The following ROBO2 variants were observed in gnomAD, a reference collection of about 807,000 sequenced individuals.
ROBO2 encodes the protein roundabout homolog 2.
Under a neutral mutation model 160.8 loss-of-function variants are expected in ROBO2, and 53 were observed. The ratio of observed to expected loss-of-function variants is 0.33; its 90% CI spans 0.26 to 0.41. ROBO2 has a LOEUF of 0.41. Ranked by LOEUF, ROBO2 falls within the 10% of genes least tolerant of loss-of-function variation. The pLI is 1.00. For synonymous variants in ROBO2, 664 were observed against 611.7 expected (o/e 1.09, Z -1.26); for missense variants, 1,577 against 1,722.4 (o/e 0.92, Z 1.49).
At chr3:77,038,833 G>A (rs2063794759), upstream of ROBO2, among the ~76,000 whole-genome samples, 2 of 152,152 alleles carry the variant, frequency 1.3e-5, no homozygotes, top group African/African-American at 4.8e-5. Context: ...GTCGTCTTTG[G>A]GCTGAAATTC....
chr3:76,577,994 A>C (rs562069560), intron 2 of ROBO2, among the ~76,000 whole-genome samples: 2 of 152,000 alleles, frequency 1.3e-5, no homozygotes, highest in African/African-American at 4.8e-5. Flanking sequence ...TAACTTTCAA[A>C]TTTCCTTCTC....
chr3:76,908,117 G>A (rs973573194), intron 2 of ROBO2, among the ~76,000 whole-genome samples: 1 of 152,068 alleles, frequency 6.6e-6, no homozygotes, highest in African/African-American at 2.4e-5. Flanking sequence ...TAGGATTACA[G>A]GCGTGAGCCA....
exon 6 of ROBO2, chr3:77,522,807 T>A: frequency 6.2e-7 from 1 of 1,609,412 alleles, no homozygotes; most frequent in Non-Finnish European, 8.5e-7. Flanking sequence ...ACACTAAGAA[T>A]TAAAAAGACC....
intron 2 of ROBO2, among the ~76,000 whole-genome samples, chr3:75,982,822 T>C (rs1262302317): frequency 2.0e-5 from 3 of 151,464 alleles, no homozygotes; most frequent in African/African-American, 7.2e-5. Context: ...AATGTACCTA[T>C]GCAAGTCCTC....
intron 2 of ROBO2, among the ~76,000 whole-genome samples, chr3:76,769,336 G>A (rs1422678183): frequency 7.0e-6 from 1 of 143,122 alleles, no homozygotes; most frequent in Non-Finnish European, 1.5e-5. Context: ...CAGAGAGTCT[G>A]TATTTGTAAA....
intron 2 of ROBO2, among the ~76,000 whole-genome samples, chr3:76,593,532 C>T (rs751041072): frequency 7.2e-5 from 11 of 151,964 alleles, no homozygotes; most frequent in Non-Finnish European, 1.0e-4. Context: ...GCAGAACATG[C>T]AAATTAGTAT....
chr3:76,555,425 G>GAAGAAGAAGAA (rs1399867100), intron 2 of ROBO2, among the ~76,000 whole-genome samples: 3,943 of 67,980 alleles, frequency 0.058, 452 homozygotes, highest in Non-Finnish European at 0.08. Context: ...AAGAAAGAAG[G>GAAGAAGAAGAA]AGAAGGGGAA....
chr3:76,020,050 G>T (rs556979389), intron 2 of ROBO2, among the ~76,000 whole-genome samples: 4 of 151,904 alleles, frequency 2.6e-5, no homozygotes, highest in Non-Finnish European at 5.9e-5. Flanking sequence ...TGGGTTTGTT[G>T]ATTTCTTCAT....
intron 2 of ROBO2, among the ~76,000 whole-genome samples, chr3:77,405,045 C>T (rs1033291623): frequency 2.6e-5 from 4 of 152,166 alleles, no homozygotes; most frequent in Non-Finnish European, 4.4e-5. Context: ...ACCTATCCCA[C>T]GAGACTATGA....
rs145487969 is a variant in ROBO2, at chr3:76,033,030, A to G, written c.109+95428A>G. Reference sequence around the variant, plus strand: ...AAAAGACAGAAATAAGAGAAACCCAAACACATTCTGACTGGCTTTAAAAGT... The same window carrying G: ...AAAAGACAGAAATAAGAGAAACCCAGACACATTCTGACTGGCTTTAAAAGT... On this transcript the variant is annotated intron_variant, in intron 2 of 26. Transcript: ENST00000487694. Among the ~76,000 whole-genome samples the G allele has an allele frequency of 3.5e-4, 54 of 152,254 alleles. No individual in the cohort carries two copies. The East Asian group carries it at 0.01, about 28-fold the overall frequency.
At position 76,935,280 on chromosome 3, in the gene ROBO2, A is replaced by G. The variant is rs566677387; in HGVS notation, c.110-162734A>G. Among the ~76,000 whole-genome samples the G allele has an allele frequency of 1.1e-4, 16 of 152,294 alleles. No individual in the cohort carries two copies. The South Asian group carries it at 3.3e-3, about 32-fold the overall frequency. ...GACTTACAAAAATTTTTCCAAAAGA[A>G]AACAGTATCCACAGCTTTTGTATTG... On this transcript the variant is annotated intron_variant, in intron 2 of 26. Transcript: ENST00000487694.
At chr3:76,715,917 T>A (rs1222214955) in intron 2 of ROBO2, among the ~76,000 whole-genome samples, 1 of 151,910 alleles carries the variant, frequency 6.6e-6, no homozygotes, top group Admixed American at 6.6e-5. Flanking sequence ...TCACAATGAA[T>A]TTTTGTCATC....
intron 2 of ROBO2, among the ~76,000 whole-genome samples, chr3:76,188,858 A>G (rs1181934313): frequency 6.6e-6 from 1 of 152,078 alleles, no homozygotes; most frequent in Non-Finnish European, 1.5e-5. Context: ...ATTATTTGCT[A>G]TAAACATGAA....
intron 2 of ROBO2, among the ~76,000 whole-genome samples, chr3:76,843,487 A>C (rs2324695): frequency 0.11 from 16,268 of 152,032 alleles, 1,044 homozygotes; most frequent in East Asian, 0.23. Context: ...TCCTGAGCTC[A>C]GTTTTCTTTA....
chr3:76,650,541 T>A (rs13067664), intron 2 of ROBO2, among the ~76,000 whole-genome samples: 31,319 of 151,674 alleles, frequency 0.21, 3,412 homozygotes, highest in Middle Eastern at 0.23. Flanking sequence ...CTATTCTTAC[T>A]GAAGTGATTC....
intron 2 of ROBO2, among the ~76,000 whole-genome samples, chr3:76,936,497 C>T (rs1009314141): frequency 6.6e-6 from 1 of 151,894 alleles, no homozygotes; most frequent in Non-Finnish European, 1.5e-5. Flanking sequence ...GGGTGGACAG[C>T]GTTGCTCCTC....
chr3:76,631,911 G>C (rs941124351), intron 2 of ROBO2, among the ~76,000 whole-genome samples: 3 of 152,170 alleles, frequency 2.0e-5, no homozygotes, highest in Non-Finnish European at 2.9e-5. Context: ...TCTCTCTGCA[G>C]TAACAAGCAG....
chr3:76,666,656 C>T (rs1216085890), intron 2 of ROBO2, among the ~76,000 whole-genome samples: 1 of 151,994 alleles, frequency 6.6e-6, no homozygotes, highest in East Asian at 1.9e-4. Flanking sequence ...GATTATTTCA[C>T]ATCTAATATC....
chr3:75,982,987 T>A (rs72890330), intron 2 of ROBO2, among the ~76,000 whole-genome samples: 2,453 of 151,598 alleles, frequency 0.016, 64 homozygotes, highest in African/African-American at 0.056. Context: ...GCACTCGCAA[T>A]GTGAGGAAGG....
Sources: allele counts gnomAD v4.1 joint callset (sites outside exome capture counted in the v4.1 genomes callset), GRCh38; gene constraint gnomAD v4.1.1; transcripts MANE v1.5; gene names NCBI Gene and HGNC (gene_info 2026-07-23, HGNC 2026-07-21).